ADCY2: variants seen among roughly 807,000 people sequenced by gnomAD.
ADCY2 encodes the protein adenylate cyclase 2.
A neutral mutation model predicts 125.2 loss-of-function variants in ADCY2; 31 were observed. The observed-to-expected ratio is 0.25, with a 90% CI of 0.19 to 0.33. The LOEUF (loss-of-function observed/expected upper bound fraction) is 0.33. ADCY2 is among the 10% of genes least tolerant of loss of function. The pLI is 1.00. For synonymous variants in ADCY2, 512 were observed against 548.4 expected (o/e 0.93, Z 0.93); for missense variants, 904 against 1,418.2 (o/e 0.64, Z 5.82).
chr5:7,720,859 A>G (rs1161882487), intron 12 of ADCY2, among the ~76,000 whole-genome samples: 2 of 152,166 alleles, frequency 1.3e-5, no homozygotes, highest in Non-Finnish European at 2.9e-5. Context: ...ATAAACATAC[A>G]TGTGCATGTG....
chr5:7,458,895 C>T (rs183785420), intron 2 of ADCY2, among the ~76,000 whole-genome samples: 4 of 152,238 alleles, frequency 2.6e-5, no homozygotes, highest in Non-Finnish European at 5.9e-5. Flanking sequence ...GATAGAGGGC[C>T]GCTCATTAGG....
In ADCY2 at chr5:7,552,421, T is replaced by A. The variant is rs537370795; in HGVS notation, c.570+31522T>A. ...GTCAGGACTAAGGAGAAGCTGTATT[T>A]CTTTATTGCAAATCTTTTTTCTTTC... On this transcript the variant is annotated intron_variant, in intron 3 of 24. Transcript: ENST00000338316. Among the ~76,000 whole-genome samples, 5 of 152,356 alleles carry A rather than the reference T, an allele frequency of 3.3e-5. No individual in the cohort carries two copies. In the South Asian group the frequency reaches 8.3e-4, roughly 25 times the overall value.
At chr5:7,514,989 G>A (rs919928221) in intron 2 of ADCY2, among the ~76,000 whole-genome samples, 9 of 152,214 alleles carry the variant, frequency 5.9e-5, no homozygotes, top group African/African-American at 2.2e-4. Context: ...GCCTCAAGAA[G>A]CTAATGCACT....
intron 4 of ADCY2, 46 bp from the exon 5 acceptor site, chr5:7,690,645 C>T (rs551729133): frequency 2.9e-5 from 42 of 1,460,918 alleles, no homozygotes; most frequent in East Asian, 2.8e-4. Flanking sequence ...GGTCATCCCC[C>T]GAGGTGTCTG....
intron 3 of ADCY2, among the ~76,000 whole-genome samples, chr5:7,586,373 A>G (rs1207922384): frequency 1.3e-5 from 2 of 152,138 alleles, no homozygotes; most frequent in Non-Finnish European, 1.5e-5. Flanking sequence ...CAAGGTCCCA[A>G]CCACATTAAC....
chr5:7,522,538 T>G (rs1487969313), intron 3 of ADCY2: 2 of 152,182 alleles, frequency 1.3e-5, no homozygotes, highest in Non-Finnish European at 2.9e-5. Context: ...TCTTCTCGTT[T>G]ATTTGAGCTG....
intron 7 of ADCY2, among the ~76,000 whole-genome samples, chr5:7,702,070 A>G (rs1741096188): frequency 6.6e-6 from 1 of 151,914 alleles, no homozygotes; most frequent in Non-Finnish European, 1.5e-5. Flanking sequence ...TGTTTGTTTC[A>G]TGTATAGTAG....
chr5:7,528,081 C>T (rs7724508), intron 3 of ADCY2, among the ~76,000 whole-genome samples: 10,348 of 152,130 alleles, frequency 0.068, 599 homozygotes, highest in South Asian at 0.15. Context: ...TCTTAGGTTT[C>T]GCAAGCCATT....
intron 2 of ADCY2, among the ~76,000 whole-genome samples, chr5:7,444,791 T>C (rs1411463656): frequency 6.6e-6 from 1 of 152,144 alleles, no homozygotes; most frequent in Non-Finnish European, 1.5e-5. Flanking sequence ...ATCAGGTGAG[T>C]GCATTATCAC....
intron 3 of ADCY2, among the ~76,000 whole-genome samples, chr5:7,588,662 G>T (rs909052489): frequency 6.6e-6 from 1 of 152,194 alleles, no homozygotes; most frequent in Non-Finnish European, 1.5e-5. Flanking sequence ...GCATGGCTCT[G>T]TTCCAATGAA....
At chr5:7,826,628 TG>T in intron 24 of ADCY2, 90 bp from the exon 25 acceptor site, 1 of 1,536,782 alleles carries the variant, frequency 6.5e-7, no homozygotes. Flanking sequence ...TCAAAGAGCA[TG>T]GTGCTTTTTT....
chr5:7,413,978 T>C (rs1455466583), intron 1 of ADCY2, among the ~76,000 whole-genome samples: 1 of 152,218 alleles, frequency 6.6e-6, no homozygotes, highest in Non-Finnish European at 1.5e-5. Flanking sequence ...TCTCCATCTC[T>C]CTTGAGAGAG....
At chr5:7,439,338 G>A (rs1740921773) in intron 2 of ADCY2, among the ~76,000 whole-genome samples, 1 of 152,112 alleles carries the variant, frequency 6.6e-6, no homozygotes, top group African/African-American at 2.4e-5. Context: ...GCAGGCAAGA[G>A]AGCTTGTACA....
chr5:7,562,842 C>A lies in ADCY2; in HGVS notation c.570+41943C>A, dbSNP rs182166341. ...TGAGCCTGGGACTCCATTAATAAGT[C>A]ATCAGATTTTATTTTCTCTATTTGC... On this transcript the variant is annotated intron_variant, in intron 3 of 24. Coordinates refer to ENST00000338316, the MANE Select transcript of ADCY2 (RefSeq NM_020546.3). Among the ~76,000 whole-genome samples, 233 of 152,274 alleles carry A rather than the reference C, an allele frequency of 1.5e-3. 2 individuals are homozygous for A. Among genetic ancestry groups the A allele is most frequent in the Admixed American group, 3.5e-3 (53 of 15,288 alleles).
At chr5:7,447,643 G>A (rs1274472383) in intron 2 of ADCY2, among the ~76,000 whole-genome samples, 1 of 152,204 alleles carries the variant, frequency 6.6e-6, no homozygotes, top group Non-Finnish European at 1.5e-5. Context: ...AAGCCAGGGG[G>A]TCCTGCACAG....
intron 4 of ADCY2, among the ~76,000 whole-genome samples, chr5:7,628,976 G>T (rs1738221407): frequency 6.6e-6 from 1 of 152,166 alleles, no homozygotes; most frequent in Admixed American, 6.6e-5. Context: ...TCAGGTTTGG[G>T]TTCCTTGTGT....
rs1745533640 is a variant in ADCY2 at position 7,827,708 on chromosome 5, T to G, written c.*837T>G. On this transcript the variant is annotated 3_prime_UTR_variant, in exon 25 of 25. Transcript: ENST00000338316. ...GGACACAGTGTGTGACGCAGATAAC[T>G]GGTTACTCAGCTCCCTGGAAAGCAG... 1 of 152,366 alleles carries G rather than the reference T, an allele frequency of 6.6e-6. No homozygotes were observed. The highest frequency in any genetic ancestry group is 2.1e-4 in the South Asian group (1 of 4,836). The allele number at this position is 152,366 out of a possible 1,614,324, so 9.4% of individuals were successfully genotyped here.
At chr5:7,818,579 A>C (rs1745196462) in intron 23 of ADCY2, among the ~76,000 whole-genome samples, 1 of 152,074 alleles carries the variant, frequency 6.6e-6, no homozygotes, top group Non-Finnish European at 1.5e-5. Context: ...TAGTAGATTT[A>C]GTATATTTAG....
chr5:7,782,081 C>G (rs1743938500), intron 18 of ADCY2: 1 of 164,890 alleles, frequency 6.1e-6, no homozygotes, highest in East Asian at 1.9e-4. Context: ...AAAAAGGCAG[C>G]CGTGTTTTGG....
Sources: gnomAD v4.1 joint callset for allele counts (sites outside exome capture counted in the v4.1 genomes callset) on GRCh38, gnomAD v4.1.1 for gene constraint, MANE v1.5 for transcripts, NCBI Gene and HGNC (gene_info 2026-07-23, HGNC 2026-07-21) for gene names.